The following ACVR2A variants were observed in gnomAD, a reference collection of about 807,000 sequenced individuals.
The protein encoded by ACVR2A is activin receptor type-2A.
ACVR2A carries 7 observed loss-of-function variants against 61.4 expected under a neutral mutation model. The observed-to-expected ratio is 0.11, with a 90% CI of 0.06 to 0.21. The LOEUF (loss-of-function observed/expected upper bound fraction) is 0.21. Among genes scored for constraint, ACVR2A ranks in the 10% least tolerant of loss-of-function variants. The pLI is 1.00. For synonymous variants in ACVR2A, 193 were observed against 208.3 expected (o/e 0.93, Z 0.63); for missense variants, 322 against 621.7 (o/e 0.52, Z 5.13).
chr2:147,920,116 A>C (rs1481711576), intron 7 of ACVR2A, 114 bp from the exon 8 acceptor site: 1 of 687,206 alleles, frequency 1.5e-6, no homozygotes, highest in Non-Finnish European at 2.4e-6. Flanking sequence ...GCATTTCATA[A>C]TTTTAAGTAA....
At chr2:147,917,450 T>G (rs1241231774) in intron 6 of ACVR2A, 24 bp downstream of exon 6, 9 of 1,608,654 alleles carry the variant, frequency 5.6e-6, no homozygotes, top group African/African-American at 1.3e-5. Flanking sequence ...ACGTTTTACT[T>G]TAGTAAAGTC....
At position 147,885,236 on chromosome 2, in the gene ACVR2A, A is replaced by T. The variant is rs565441066; in HGVS notation, c.56-11065A>T. 2.6e-5 allele frequency among the ~76,000 whole-genome samples: 4 copies of T among 152,278 alleles called. No homozygotes were observed. In the East Asian group the frequency reaches 5.8e-4, roughly 22 times the overall value. On this transcript the variant is annotated intron_variant, in intron 1 of 10. Coordinates refer to ENST00000241416, the MANE Select transcript of ACVR2A (RefSeq NM_001616.5). ...CTCTAAAAAAAAATTTCTAAAAAAA[A>T]GTCATCTTATATTTGAGTCCTTAAA...
intron 4 of ACVR2A, among the ~76,000 whole-genome samples, chr2:147,901,366 A>C (rs1686868204): frequency 6.6e-6 from 1 of 152,024 alleles, no homozygotes; most frequent in African/African-American, 2.4e-5. Context: ...GAGTTTTAAA[A>C]TGTAATCTTA....
chr2:147,856,288 A>G (rs1332982407), intron 1 of ACVR2A, among the ~76,000 whole-genome samples: 1 of 152,192 alleles, frequency 6.6e-6, no homozygotes, highest in Non-Finnish European at 1.5e-5. Context: ...ACACACAGGT[A>G]AAACCAGAAG....
chr2:147,924,881 A>G (rs746475935), intron 9 of ACVR2A, among the ~76,000 whole-genome samples: 2 of 151,884 alleles, frequency 1.3e-5, no homozygotes, highest in East Asian at 1.9e-4. Flanking sequence ...TGTACACCAC[A>G]TAAGTGTTGA....
intron 4 of ACVR2A, among the ~76,000 whole-genome samples, 199 bp from the exon 5 acceptor site, chr2:147,914,992 T>C (rs1215682010): frequency 6.6e-6 from 1 of 151,962 alleles, no homozygotes; most frequent in Non-Finnish European, 1.5e-5. Flanking sequence ...ATTATGAAAC[T>C]CTGAATTCAG....
intron 1 of ACVR2A, among the ~76,000 whole-genome samples, chr2:147,856,400 A>G (rs191448449): frequency 4.7e-4 from 71 of 152,296 alleles, no homozygotes; most frequent in African/African-American, 1.6e-3. Flanking sequence ...AAAGCTAACC[A>G]TCTTTGATAA....
intron 1 of ACVR2A, among the ~76,000 whole-genome samples, chr2:147,869,819 C>G (rs927719228): frequency 6.6e-6 from 1 of 151,578 alleles, no homozygotes; most frequent in African/African-American, 2.4e-5. Context: ...GAGTTAAAAT[C>G]TATATAGCTG....
Position 147,918,562 on chromosome 2 carries a change from A to G in ACVR2A, c.932A>G (p.Lys311Arg). The change falls in exon 7 of 11, where the codon AAA (lysine) becomes AGA (arginine). Residue 311 changes from lysine (K) to arginine (R), a missense_variant. Transcript: ENST00000241416. Reference protein sequence around the residue: ...AYLHEDIPGLKDGHKPAISHR... With the variant: ...AYLHEDIPGLRDGHKPAISHR... ...TTACATGAGGATATACCTGGCCTAA[A>G]AGATGGCCACAAACCTGCCATATCT... 1.2e-6 allele frequency: 2 copies of G among 1,610,406 alleles called. No individual in the cohort carries two copies. Among genetic ancestry groups the G allele is most frequent in the Non-Finnish European group, 1.7e-6 (2 of 1,178,320 alleles).
At chr2:147,919,097 T>C (rs1687320479) in intron 7 of ACVR2A, among the ~76,000 whole-genome samples, 1 of 152,146 alleles carries the variant, frequency 6.6e-6, no homozygotes, top group Non-Finnish European at 1.5e-5. Context: ...GATTGTGTCT[T>C]AAACATGGAA....
At chr2:147,876,702 G>A (rs1484542345) in intron 1 of ACVR2A, among the ~76,000 whole-genome samples, 3 of 152,088 alleles carry the variant, frequency 2.0e-5, no homozygotes, top group African/African-American at 7.2e-5. Context: ...AAGCAGAATT[G>A]TTCTTCATTA....
At chr2:147,892,758 G>T (rs1053446572) in intron 1 of ACVR2A, among the ~76,000 whole-genome samples, 9 of 151,330 alleles carry the variant, frequency 5.9e-5, no homozygotes, top group African/African-American at 2.2e-4. Flanking sequence ...AGCATATGAA[G>T]GAAATCTGGT....
rs1573720770 is a variant in ACVR2A at position 147,928,888 on chromosome 2, TGTCAG to T, written c.*1619_*1623del. 1 of 152,508 alleles carries T rather than the reference TGTCAG, an allele frequency of 6.6e-6. No homozygotes were observed. Among genetic ancestry groups the T allele is most frequent in the East Asian group, 1.9e-4 (1 of 5,196 alleles). 9.4% of individuals were successfully genotyped at this position (152,508 alleles called of 1,614,324 possible). ...TAGCCAGTATTATGCTGTGTATTTCTGTCAGGTCATTTTAAAATCCATGTTAATTT... is the reference window on the plus strand; with the variant it reads ...TAGCCAGTATTATGCTGTGTATTTCTGTCATTTTAAAATCCATGTTAATTT... On this transcript the variant is annotated 3_prime_UTR_variant, in exon 11 of 11. Coordinates refer to ENST00000241416, the MANE Select transcript of ACVR2A (RefSeq NM_001616.5).
chr2:147,924,202 A>G (rs1687449821), intron 9 of ACVR2A, among the ~76,000 whole-genome samples: 1 of 152,116 alleles, frequency 6.6e-6, no homozygotes. Flanking sequence ...TGGAAGCAGA[A>G]GTAGGTTAGA....
intron 1 of ACVR2A, among the ~76,000 whole-genome samples, chr2:147,854,452 T>C (rs1257970755): frequency 6.6e-6 from 1 of 152,210 alleles, no homozygotes; most frequent in Non-Finnish European, 1.5e-5. Context: ...CTTTAAGCTT[T>C]GAAAACACAA....
At chr2:147,871,358 C>T (rs1042889626) in intron 1 of ACVR2A, among the ~76,000 whole-genome samples, 1 of 151,968 alleles carries the variant, frequency 6.6e-6, no homozygotes, top group Non-Finnish European at 1.5e-5. Flanking sequence ...CATTTAGCTC[C>T]TGCTAATAAT....
intron 1 of ACVR2A, among the ~76,000 whole-genome samples, chr2:147,889,502 T>A (rs777515864): frequency 6.6e-6 from 1 of 152,144 alleles, no homozygotes; most frequent in Non-Finnish European, 1.5e-5. Context: ...CCCAGCACTT[T>A]GGGAGGCTGA....
intron 7 of ACVR2A, among the ~76,000 whole-genome samples, chr2:147,918,876 T>G (rs1428465092): frequency 6.6e-6 from 1 of 152,092 alleles, no homozygotes; most frequent in Non-Finnish European, 1.5e-5. Flanking sequence ...AAAAGACATT[T>G]GTTTTACCTC....
rs146318272 is a variant in ACVR2A, at chr2:147,857,090, G to T, written c.55+11883G>T. ...CCTTTATCGGAATGATGCTTAGGAA[G>T]AATAAACTACTCAAGCTGATCCTCA... On this transcript the variant is annotated intron_variant, in intron 1 of 10. Transcript: ENST00000241416. Among the ~76,000 whole-genome samples the T allele has an allele frequency of 4.6e-3, 696 of 152,250 alleles. 19 individuals are homozygous for T. Among genetic ancestry groups the T allele is most frequent in the Admixed American group, 0.041 (623 of 15,296 alleles).
Sources: gnomAD v4.1 joint callset for allele counts (sites outside exome capture counted in the v4.1 genomes callset) on GRCh38, gnomAD v4.1.1 for gene constraint, MANE v1.5 for transcripts, NCBI Gene and HGNC (gene_info 2026-07-23, HGNC 2026-07-21) for gene names.